Variants in SDK1 observed in about 807,000 individuals in gnomAD.
SDK1 encodes the protein protein sidekick-1.
SDK1 carries 157 observed loss-of-function variants against 245.5 expected under a neutral mutation model. The observed-to-expected ratio is 0.64, with a 90% CI of 0.56 to 0.73. The LOEUF is 0.73. Among genes scored for constraint, SDK1 ranks in the 30% least tolerant of loss-of-function variants. The pLI is 0.00. For synonymous variants in SDK1, 1,647 were observed against 1,278.5 expected (o/e 1.29, Z -6.15); for missense variants, 3,583 against 3,002.3 (o/e 1.19, Z -4.52).
chr7:3,886,892 G>A (rs1781351126), intron 5 of SDK1, among the ~76,000 whole-genome samples: 5 of 152,166 alleles, frequency 3.3e-5, no homozygotes, highest in Admixed American at 3.3e-4. Context: ...CACCAACCTG[G>A]GCAAGAGAAT....
intron 1 of SDK1, among the ~76,000 whole-genome samples, chr7:3,360,688 C>T (rs1295323473): frequency 6.6e-6 from 1 of 152,170 alleles, no homozygotes; most frequent in Non-Finnish European, 1.5e-5. Context: ...GCTGCTGTCA[C>T]TATCCCAACC....
rs566315826 is a variant in SDK1 at position 4,159,875 on chromosome 7, AC to A, written c.4729+1325del. Among the ~76,000 whole-genome samples the A allele has an allele frequency of 1.2e-4, 18 of 152,404 alleles. No individual in the cohort carries two copies. In the East Asian group the frequency reaches 3.5e-3, roughly 29 times the overall value. On this transcript the variant is annotated intron_variant, in intron 31 of 44. Transcript: ENST00000404826. ...GAGCTCCTACAATTATAACATTGTAACATTGTTATGTAACAGTATTACAAAT... is the reference window on the plus strand; with the variant it reads ...GAGCTCCTACAATTATAACATTGTAAATTGTTATGTAACAGTATTACAAAT...
chr7:4,116,951 A>G (rs952547301), intron 25 of SDK1, among the ~76,000 whole-genome samples: 1 of 152,240 alleles, frequency 6.6e-6, no homozygotes, highest in East Asian at 1.9e-4. Flanking sequence ...TCCAAAGGAA[A>G]GGTGGAGACG....
At chr7:3,862,714 T>C (rs35675423) in intron 5 of SDK1, among the ~76,000 whole-genome samples, 2,188 of 152,304 alleles carry the variant, frequency 0.014, 29 homozygotes, top group Non-Finnish European at 0.021. Context: ...GAGTTACTAG[T>C]GGTTTATTTG....
chr7:3,464,934 A>T (rs570134334), intron 1 of SDK1, among the ~76,000 whole-genome samples: 1 of 152,098 alleles, frequency 6.6e-6, no homozygotes, highest in Non-Finnish European at 1.5e-5. Context: ...TTGACATCAA[A>T]CTATAGCTTC....
At chr7:4,183,780 G>T (rs1318968759) in intron 35 of SDK1, among the ~76,000 whole-genome samples, 1 of 152,178 alleles carries the variant, frequency 6.6e-6, no homozygotes, top group African/African-American at 2.4e-5. Flanking sequence ...TGGCTTTAGG[G>T]AAGGACCATT....
At chr7:3,371,722 G>A (rs929514564) in intron 1 of SDK1, among the ~76,000 whole-genome samples, 5 of 152,150 alleles carry the variant, frequency 3.3e-5, no homozygotes, top group Non-Finnish European at 5.9e-5. Context: ...ACGAAAGGTA[G>A]ACGTGGAGGA....
chr7:3,366,528 T>C (rs1329242507), intron 1 of SDK1, among the ~76,000 whole-genome samples: 1 of 152,170 alleles, frequency 6.6e-6, no homozygotes, highest in African/African-American at 2.4e-5. Flanking sequence ...TCATCAACAG[T>C]GTTTGTGACG....
At position 3,964,198 on chromosome 7, in the gene SDK1, G is replaced by A. The variant is rs12701312; in HGVS notation, c.1429+1347G>A. On this transcript the variant is annotated intron_variant, in intron 9 of 44. Transcript: ENST00000404826. ...GAAGGGGTAATGTGGCCAGAAGTGG[G>A]CAGACCAGGAGAGCCAGCTCTCAAG... Among the ~76,000 whole-genome samples the A allele has an allele frequency of 4.5e-3, 683 of 152,344 alleles. 4 individuals carry two copies. Among genetic ancestry groups the A allele is most frequent in the Non-Finnish European group, 6.2e-3 (424 of 68,020 alleles).
chr7:3,720,122 T>C (rs1243845522), intron 4 of SDK1, among the ~76,000 whole-genome samples: 1 of 151,922 alleles, frequency 6.6e-6, no homozygotes, highest in Admixed American at 6.6e-5. Flanking sequence ...TGAATGACCT[T>C]ATTAAGAGTA....
chr7:3,824,814 G>T (rs1779731816), intron 5 of SDK1, among the ~76,000 whole-genome samples: 1 of 152,158 alleles, frequency 6.6e-6, no homozygotes, highest in Admixed American at 6.5e-5. Context: ...TTAGAACTGA[G>T]ATGCAGTCCC....
intron 22 of SDK1, among the ~76,000 whole-genome samples, chr7:4,097,155 G>A (rs1170361648): frequency 6.7e-6 from 1 of 150,320 alleles, no homozygotes; most frequent in Admixed American, 6.6e-5. Flanking sequence ...CTCTGCAGAG[G>A]CATTGGCCTG....
intron 1 of SDK1, among the ~76,000 whole-genome samples, chr7:3,479,472 C>G (rs1781446740): frequency 7.0e-6 from 1 of 143,824 alleles, no homozygotes; most frequent in East Asian, 2.0e-4. Context: ...TTGGTGGATA[C>G]AGGGCTCTAA....
intron 22 of SDK1, among the ~76,000 whole-genome samples, chr7:4,090,372 A>G (rs4607516): frequency 0.24 from 37,251 of 152,118 alleles, 5,217 homozygotes; most frequent in African/African-American, 0.37. Flanking sequence ...CATTTCTTCT[A>G]CATTTATCCA....
intron 35 of SDK1, among the ~76,000 whole-genome samples, chr7:4,194,931 A>G (rs1222592922): frequency 1.3e-5 from 2 of 152,226 alleles, no homozygotes; most frequent in African/African-American, 4.8e-5. Context: ...ATAATTGCTT[A>G]GTGTAATCGG....
intron 1 of SDK1, among the ~76,000 whole-genome samples, chr7:3,473,923 G>A (rs1781261691): frequency 1.3e-5 from 2 of 151,864 alleles, no homozygotes; most frequent in Non-Finnish European, 2.9e-5. Context: ...AAGGAATGTG[G>A]ACTTTGGAGC....
At chr7:4,102,008 T>C (rs1782583683) in intron 22 of SDK1, among the ~76,000 whole-genome samples, 1 of 151,912 alleles carries the variant, frequency 6.6e-6, no homozygotes, top group Non-Finnish European at 1.5e-5. Flanking sequence ...CCAAAGAATA[T>C]TAAACAGGAA....
chr7:3,484,236 T>A (rs1354493397), intron 1 of SDK1, among the ~76,000 whole-genome samples: 1 of 152,196 alleles, frequency 6.6e-6, no homozygotes, highest in African/African-American at 2.4e-5. Flanking sequence ...TTCACATCCC[T>A]CCAATACTGT....
chr7:3,784,139 T>G (rs527815804), intron 4 of SDK1, among the ~76,000 whole-genome samples: 42 of 151,370 alleles, frequency 2.8e-4, no homozygotes, highest in Non-Finnish European at 5.6e-4. Flanking sequence ...CAGGCTAGTC[T>G]CAAACTCCTG....
Sources: gnomAD v4.1 joint callset for allele counts (sites outside exome capture counted in the v4.1 genomes callset) on GRCh38, gnomAD v4.1.1 for gene constraint, MANE v1.5 for transcripts, NCBI Gene and HGNC (gene_info 2026-07-23, HGNC 2026-07-21) for gene names.